Variants in NOL10 observed in about 807,000 individuals in gnomAD.
NOL10 encodes the protein H_NH0074G24.1.
A neutral mutation model predicts 103.5 loss-of-function variants in NOL10; 58 were observed. The ratio of observed to expected loss-of-function variants is 0.56; its 90% confidence interval spans 0.45 to 0.70. The LOEUF is 0.70. NOL10 is among the 30% of genes least tolerant of loss of function. The probability of loss-of-function intolerance (pLI) is 0.00; values close to 1 mark genes in which losing one functional copy is unlikely to be tolerated. For missense variants in NOL10, 763 were observed against 807.3 expected, an observed-to-expected ratio of 0.95 and a Z score of 0.67; for synonymous variants, 287 against 282.5, an observed-to-expected ratio of 1.02 and a Z score of -0.16.
chr2:10,634,445 G>C, intron 13 of NOL10: 1 of 453,964 alleles, frequency 2.2e-6, no homozygotes, highest in Non-Finnish European at 4.4e-6. Flanking sequence ...TGCAGGTGGG[G>C]AGCTGGATCA....
chr2:10,579,986 T>C (rs1674663686), intron 19 of NOL10, among the ~76,000 whole-genome samples: 1 of 152,210 alleles, frequency 6.6e-6, no homozygotes, highest in Non-Finnish European at 1.5e-5. Context: ...TGTGCACTTG[T>C]AAAAACTTGT....
chr2:10,669,718 C>G (rs1680807236), intron 6 of NOL10, among the ~76,000 whole-genome samples: 1 of 151,028 alleles, frequency 6.6e-6, no homozygotes, highest in African/African-American at 2.4e-5. Context: ...ATGGTGAAAC[C>G]CTGTCTCTAC....
chr2:10,654,254 T>G (rs2148305680), intron 12 of NOL10, among the ~76,000 whole-genome samples: 1 of 152,268 alleles, frequency 6.6e-6, no homozygotes, highest in East Asian at 1.9e-4. Flanking sequence ...GAGCACTGAG[T>G]CATTAAGAGT....
chr2:10,577,553 T>C, intron 20 of NOL10, 83 bp downstream of exon 20: 2 of 950,820 alleles, frequency 2.1e-6, no homozygotes, highest in East Asian at 2.7e-5. Context: ...TTGAGAAGGC[T>C]GCTCTGAGGA....
At chr2:10,609,876 G>T (rs1405530840) in intron 13 of NOL10, among the ~76,000 whole-genome samples, 5 of 152,158 alleles carry the variant, frequency 3.3e-5, no homozygotes. Context: ...CATCTGTTTT[G>T]TTAACTGCTG....
chr2:10,583,846 G>C lies in NOL10; in HGVS notation c.1844+5197C>G, dbSNP rs534310384. Among the ~76,000 whole-genome samples the C allele has an allele frequency of 6.9e-4, 105 of 152,322 alleles. No homozygotes were observed. The Middle Eastern group carries it at 0.01, about 15-fold the overall frequency. On this transcript the variant is annotated intron_variant, in intron 19 of 20. Coordinates refer to ENST00000381685, the MANE Select transcript of NOL10 (RefSeq NM_024894.4). ...TGTCTTTCTAAAATGGAGATATTCT[G>C]CTAATGGGTTTCTGGGAATAGGGAC...
intron 7 of NOL10, among the ~76,000 whole-genome samples, chr2:10,667,871 T>TA (rs949821992): frequency 1.1e-4 from 17 of 151,388 alleles, no homozygotes; most frequent in African/African-American, 3.4e-4. Context: ...CAATGTGAAA[T>TA]AAAAAAAAAT....
chr2:10,623,553 C>G (rs2148225573), intron 13 of NOL10, among the ~76,000 whole-genome samples: 1 of 152,346 alleles, frequency 6.6e-6, no homozygotes, highest in African/African-American at 2.4e-5. Context: ...TGTTCCTTTA[C>G]TAGACTATCA....
chr2:10,643,891 T>C (rs1354550572), intron 13 of NOL10, among the ~76,000 whole-genome samples: 1 of 152,208 alleles, frequency 6.6e-6, no homozygotes, highest in Non-Finnish European at 1.5e-5. Flanking sequence ...AACCCAAAAG[T>C]GAGTCCACTG....
chr2:10,667,589 C>A (rs1016736571), intron 7 of NOL10, among the ~76,000 whole-genome samples: 1 of 152,194 alleles, frequency 6.6e-6, no homozygotes, highest in Admixed American at 6.5e-5. Flanking sequence ...GTATTTTCTT[C>A]CAAGGCAGGT....
chr2:10,584,294 C>T (rs1674912513), intron 19 of NOL10, among the ~76,000 whole-genome samples: 1 of 152,170 alleles, frequency 6.6e-6, no homozygotes, highest in African/African-American at 2.4e-5. Flanking sequence ...TATGCTCGCA[C>T]TGAGCAGTTG....
chr2:10,635,332 C>T (rs1678129773), intron 13 of NOL10, among the ~76,000 whole-genome samples: 2 of 152,160 alleles, frequency 1.3e-5, no homozygotes, highest in African/African-American at 2.4e-5. Context: ...CGTTCTCTAT[C>T]GGCCAACATT....
chr2:10,593,025 C>T (rs1040024781), intron 17 of NOL10, among the ~76,000 whole-genome samples: 18 of 152,174 alleles, frequency 1.2e-4, no homozygotes, highest in Non-Finnish European at 2.4e-4. Flanking sequence ...TACCACAGTC[C>T]TACCTGGAAG....
intron 13 of NOL10, among the ~76,000 whole-genome samples, chr2:10,611,940 A>G (rs1676593405): frequency 6.6e-6 from 1 of 151,826 alleles, no homozygotes; most frequent in Non-Finnish European, 1.5e-5. Context: ...AAAACAAAAC[A>G]AAAACAAAAA....
At chr2:10,664,117 TAA>T (rs1233675337) in intron 8 of NOL10, among the ~76,000 whole-genome samples, 3 of 129,586 alleles carry the variant, frequency 2.3e-5, no homozygotes, top group Non-Finnish European at 5.0e-5. Context: ...AGACTCCGTC[TAA>T]AAAAAAAAAA....
chr2:10,671,709 A>G lies in NOL10; in HGVS notation c.328-19T>C, dbSNP rs1293287873. 2.0e-6 allele frequency: 3 copies of G among 1,532,476 alleles called. No homozygotes were observed. Among genetic ancestry groups the G allele is most frequent in the Non-Finnish European group, 2.6e-6 (3 of 1,134,168 alleles). The allele number at this position is 1,532,476 out of a possible 1,614,324, so 94.9% of individuals were successfully genotyped here. On this transcript the variant is annotated intron_variant, in intron 5 of 20. Transcript: ENST00000381685. Reference sequence around the variant, plus strand: ...AGACAATCTGAAAATAAAACAAAAAAATTAGTTTGCTTAGGTTTCTAGTTA... The same window carrying G: ...AGACAATCTGAAAATAAAACAAAAAGATTAGTTTGCTTAGGTTTCTAGTTA...
At chr2:10,577,328 G>A (rs942043849) in intron 20 of NOL10, among the ~76,000 whole-genome samples, 9 of 152,254 alleles carry the variant, frequency 5.9e-5, no homozygotes, top group Middle Eastern at 3.4e-3. Flanking sequence ...TTTATAAGCC[G>A]CACCTGAGGC....
Position 10,689,904 on chromosome 2 carries a change from A to C in NOL10, c.-43T>G, listed in dbSNP as rs1211608564. ...TTCAAGTCCCGGGTCCTTTCCCACC[A>C]GCGTGCTCGAGCACCGTAATCCCGG... On this transcript the variant is annotated 5_prime_UTR_variant, in exon 1 of 21. Transcript: ENST00000381685. 2 of 1,556,826 alleles carry C rather than the reference A, an allele frequency of 1.3e-6. No homozygotes were observed. The highest frequency in any genetic ancestry group is 1.7e-6 in the Non-Finnish European group (2 of 1,145,298).
rs1680633161 is a variant in NOL10 at position 10,667,418 on chromosome 2, G to A, written c.531-140C>T. On this transcript the variant is annotated intron_variant, in intron 7 of 20. Coordinates refer to ENST00000381685, the MANE Select transcript of NOL10 (RefSeq NM_024894.4). ...GATTCTCTCTTACTAATCTGCAAAT[G>A]GAAAACACCAAGGTATGAAAGGGTT... 3 of 679,612 alleles carry A rather than the reference G, an allele frequency of 4.4e-6. No homozygotes were observed. The South Asian group carries it at 5.3e-5, about 12-fold the overall frequency. 42.1% of individuals were successfully genotyped at this position (679,612 alleles called of 1,614,324 possible).
Sources: allele counts gnomAD v4.1 joint callset (sites outside exome capture counted in the v4.1 genomes callset), GRCh38; gene constraint gnomAD v4.1.1; transcripts MANE v1.5; gene names NCBI Gene and HGNC (gene_info 2026-07-23, HGNC 2026-07-21).